The following HACD4 variants were observed in gnomAD, a reference collection of about 807,000 sequenced individuals.
The protein encoded by HACD4 is very-long-chain (3R)-3-hydroxyacyl-CoA dehydratase 4.
A neutral mutation model predicts 33.3 loss-of-function variants in HACD4; 35 were observed. The ratio of observed to expected loss-of-function variants is 1.05; its 90% CI spans 0.80 to 1.39. The LOEUF (loss-of-function observed/expected upper bound fraction) is 1.39, where lower values mean the gene tolerates loss of function less well. HACD4 is among the 40% of genes most tolerant of loss of function. HACD4 has a pLI of 0.00. For missense variants in HACD4, 323 were observed against 276.5 expected (o/e 1.17, Z -1.19); for synonymous variants, 118 against 98.0 (o/e 1.20, Z -1.21).
intron 3 of HACD4, among the ~76,000 whole-genome samples, chr9:21,017,645 A>C (rs2275885): frequency 0.44 from 66,403 of 151,822 alleles, 14,790 homozygotes; most frequent in South Asian, 0.51. Context: ...ATACACATAC[A>C]TGAATGGATA....
intron 3 of HACD4, among the ~76,000 whole-genome samples, chr9:21,018,285 A>G (rs1297699608): frequency 1.3e-5 from 2 of 152,182 alleles, no homozygotes; most frequent in Non-Finnish European, 2.9e-5. Flanking sequence ...AGTAGGTGCT[A>G]TTATTGTTCT....
intron 6 of HACD4, 150 bp downstream of exon 6, chr9:21,007,871 C>T (rs1842307790): frequency 1.0e-5 from 6 of 577,908 alleles, no homozygotes; most frequent in Non-Finnish European, 1.7e-5. Flanking sequence ...TTATAACCTC[C>T]AGGGGCTTTA....
At position 21,026,627 on chromosome 9, in the gene HACD4, T is replaced by G. The variant is rs997333238; in HGVS notation, c.239A>C (p.Glu80Ala). The G allele has an allele frequency of 1.9e-6, 3 of 1,613,434 alleles. No homozygotes were observed. In the African/African-American group the frequency reaches 4.0e-5, roughly 22 times the overall value. Residue 80 changes from glutamate to alanine, a missense_variant, in exon 3 of 7, where the codon GAG (glutamate) becomes GCG (alanine). Physicochemically the swap from Glu to Ala is moderately radical, Grantham distance 107 (BLOSUM62 -1). Transcript: ENST00000495827. ...AAACCTTGGGAGAAGATGGTTTGAC[T>G]CAATGCCAACATATATGTGCAGCAG... ...LELLHIYVGI[E>A]SNHLLPRFLQ...
chr9:21,013,914 A>G (rs1190063763), intron 4 of HACD4, among the ~76,000 whole-genome samples: 1 of 152,132 alleles, frequency 6.6e-6, no homozygotes, highest in African/African-American at 2.4e-5. Context: ...TGCCTTTTAT[A>G]CCATTTTGTT....
At chr9:21,009,153 AT>A (rs970025398) in intron 5 of HACD4, among the ~76,000 whole-genome samples, 4 of 152,232 alleles carry the variant, frequency 2.6e-5, no homozygotes, top group African/African-American at 9.6e-5. Flanking sequence ...AATTATTAAA[AT>A]TAAAGTTATC....
intron 1 of HACD4, 132 bp downstream of exon 1, chr9:21,031,421 C>T: frequency 2.3e-6 from 3 of 1,319,562 alleles, no homozygotes; most frequent in Non-Finnish European, 2.9e-6. Flanking sequence ...CCAAGGGGTG[C>T]CTGGGCACGG....
At chr9:21,022,559 G>A (rs577853990) in intron 3 of HACD4, among the ~76,000 whole-genome samples, 16 of 152,188 alleles carry the variant, frequency 1.1e-4, no homozygotes, top group Admixed American at 3.9e-4. Context: ...GTGGGCAAAG[G>A]ATATGAACAG....
At chr9:21,015,806 C>G in intron 4 of HACD4, 92 bp downstream of exon 4, 1 of 710,976 alleles carries the variant, frequency 1.4e-6, no homozygotes, top group East Asian at 2.6e-5. Flanking sequence ...GTTTTCCTCT[C>G]TCGTACCAAG....
intron 5 of HACD4, among the ~76,000 whole-genome samples, chr9:21,009,325 C>T (rs1458724086): frequency 6.6e-6 from 1 of 151,984 alleles, no homozygotes; most frequent in African/African-American, 2.4e-5. Context: ...TCTGCATATA[C>T]CTTATTTTGT....
At chr9:21,011,474 C>A (rs573844822) in intron 5 of HACD4, 115 bp downstream of exon 5, 3 of 696,760 alleles carry the variant, frequency 4.3e-6, no homozygotes, top group East Asian at 2.7e-5. Context: ...TAAGGATACA[C>A]TGAGTGAGCT....
At chr9:21,026,125 G>A (rs986328419) in intron 3 of HACD4, among the ~76,000 whole-genome samples, 5 of 152,206 alleles carry the variant, frequency 3.3e-5, no homozygotes, top group African/African-American at 1.2e-4. Flanking sequence ...GGATGTAGAT[G>A]AAGGAAGCCT....
chr9:21,006,892 G>C lies in HACD4; in HGVS notation c.*145C>G. ...TGAAAAACATAGCCTGTTATGTCTA[G>C]AGTTTTGGGGGTATGTGCAGTTATT... On this transcript the variant is annotated 3_prime_UTR_variant, in exon 7 of 7. Coordinates refer to ENST00000495827, the MANE Select transcript of HACD4 (RefSeq NM_001010915.5). This position sits in a 1 kb window ranked among gnomAD's most constrained non-coding sequence, Gnocchi z 4.6. 1.5e-6 allele frequency: 1 copy of C among 668,582 alleles called. No individual in the cohort carries two copies. The highest frequency in any genetic ancestry group is 2.7e-6 in the Non-Finnish European group (1 of 369,374). The allele number at this position is 668,582 out of a possible 1,614,324, so 41.4% of individuals were successfully genotyped here.
chr9:21,019,944 C>A (rs189524229), intron 3 of HACD4, among the ~76,000 whole-genome samples: 1 of 152,004 alleles, frequency 6.6e-6, no homozygotes, highest in Admixed American at 6.6e-5. Flanking sequence ...TGGCTTTTTG[C>A]CTAAAAGGCA....
chr9:21,029,283 T>A lies in HACD4; in HGVS notation c.142+12A>T, dbSNP rs1376400815. 4 of 1,451,364 alleles carry A rather than the reference T, an allele frequency of 2.8e-6. No homozygotes were observed. The highest frequency in any genetic ancestry group is 1.2e-5 in the South Asian group (1 of 83,786). The allele number at this position is 1,451,364 out of a possible 1,614,324, so 89.9% of individuals were successfully genotyped here. On this transcript the variant is annotated intron_variant, in intron 2 of 6. Coordinates refer to ENST00000495827, the MANE Select transcript of HACD4 (RefSeq NM_001010915.5). ...AAAAGTTAAAAATAAAAAAACTGTT[T>A]CGGAGTTTTACCTTTTCCAAATGAA...
At chr9:21,030,264 A>G (rs1301371888) in intron 1 of HACD4, among the ~76,000 whole-genome samples, 2 of 120,500 alleles carry the variant, frequency 1.7e-5, no homozygotes, top group Non-Finnish European at 3.6e-5. Context: ...CAACATGGCA[A>G]CTTACAAAAA....
chr9:21,031,445 T>C, intron 1 of HACD4, 108 bp downstream of exon 1: 3 of 1,340,266 alleles, frequency 2.2e-6, no homozygotes, highest in Non-Finnish European at 1.9e-6. Context: ...CGCTGCGCCT[T>C]GCTGGCGGGC....
At chr9:21,016,782 C>CT (rs11379547) in intron 3 of HACD4, among the ~76,000 whole-genome samples, 91,164 of 148,312 alleles carry the variant, frequency 0.61, 28,326 homozygotes, top group Non-Finnish European at 0.68. Flanking sequence ...AAACTTGTAG[C>CT]TTTTTTTTTT....
chr9:21,021,903 A>G (rs534362230), intron 3 of HACD4, among the ~76,000 whole-genome samples: 1 of 152,320 alleles, frequency 6.6e-6, no homozygotes, highest in East Asian at 1.9e-4. Flanking sequence ...TGGAACCAAA[A>G]AAGAGCCCGC....
At chr9:21,031,466 GC>G in intron 1 of HACD4, 86 bp downstream of exon 1, 3 of 1,341,742 alleles carry the variant, frequency 2.2e-6, no homozygotes, top group Non-Finnish European at 2.8e-6. Flanking sequence ...GGGGGGTGCC[GC>G]CCGCCCGCCC....
Sources: allele counts gnomAD v4.1 joint callset (sites outside exome capture counted in the v4.1 genomes callset), GRCh38; gene constraint gnomAD v4.1.1; non-coding constraint Gnocchi (gnomAD v3.1); transcripts MANE v1.5; gene names NCBI Gene and HGNC (gene_info 2026-07-23, HGNC 2026-07-21).